Variants in HIVEP3 observed in about 807,000 individuals in gnomAD.
HIVEP3 encodes the protein transcription factor HIVEP3.
Under a neutral mutation model 152.8 loss-of-function variants are expected in HIVEP3, and 49 were observed. That is an observed-to-expected ratio of 0.32 (90% CI 0.26 to 0.41). The LOEUF (loss-of-function observed/expected upper bound fraction) is 0.41, where lower values mean the gene tolerates loss of function less well. HIVEP3 is among the 10% of genes least tolerant of loss of function. The probability of loss-of-function intolerance (pLI) is 1.00; values close to 1 mark genes in which losing one functional copy is unlikely to be tolerated. For missense variants in HIVEP3, 2,790 were observed against 3,103.3 expected (o/e 0.90, Z 2.40); for synonymous variants, 1,269 against 1,289.0 (o/e 0.98, Z 0.33).
At chr1:41,986,670 G>A (rs1214546766) in intron 1 of HIVEP3, among the ~76,000 whole-genome samples, 1 of 152,120 alleles carries the variant, frequency 6.6e-6, no homozygotes, top group Non-Finnish European at 1.5e-5. Context: ...TCGATCTCCT[G>A]ACCTCGTGAT....
chr1:41,712,979 G>T (rs1347486333), intron 1 of HIVEP3, among the ~76,000 whole-genome samples: 1 of 152,222 alleles, frequency 6.6e-6, no homozygotes, highest in Non-Finnish European at 1.5e-5. Flanking sequence ...CACCGATGTG[G>T]AAGTCTTGGT....
In HIVEP3 at chr1:41,510,707, C is replaced by T. The variant is rs756963406; in HGVS notation, c.6965G>A (p.Arg2322His). The T allele has an allele frequency of 3.0e-5, 46 of 1,527,624 alleles. No individual in the cohort carries two copies. The highest frequency in any genetic ancestry group is 1.2e-4 in the South Asian group (10 of 81,154). The allele number at this position is 1,527,624 out of a possible 1,614,324, so 94.6% of individuals were successfully genotyped here. Residue 2322 changes from arginine to histidine, a missense_variant, in exon 9 of 9, where the codon CGC (arginine) becomes CAC (histidine). Physicochemically the swap from Arg to His is conservative, Grantham distance 29. Coordinates refer to ENST00000372583, the MANE Select transcript of HIVEP3 (RefSeq NM_024503.5). ...PDTLPRPPQGRRAAQSWSPRL... is the reference protein window; with the variant it reads ...PDTLPRPPQGHRAAQSWSPRL... Reference sequence around the variant, plus strand: ...GGGGCTCCAGGACTGCGCTGCCCGGCGTCCCTGGGGCGGCCGGGGCAAGGT... The same window carrying T: ...GGGGCTCCAGGACTGCGCTGCCCGGTGTCCCTGGGGCGGCCGGGGCAAGGT...
At chr1:42,020,997 T>C (rs1306422636) in intron 1 of HIVEP3, among the ~76,000 whole-genome samples, 2 of 152,054 alleles carry the variant, frequency 1.3e-5, no homozygotes, top group African/African-American at 2.4e-5. Flanking sequence ...GCAGAGATGA[T>C]TGAGAAATCT....
chr1:41,941,407 C>A (rs1645045619), intron 1 of HIVEP3, among the ~76,000 whole-genome samples: 1 of 152,082 alleles, frequency 6.6e-6, no homozygotes, highest in Non-Finnish European at 1.5e-5. Context: ...GGTCTATGAT[C>A]TAAGGAGGGA....
intron 1 of HIVEP3, among the ~76,000 whole-genome samples, chr1:42,010,322 GT>G (rs1249910345): frequency 1.3e-5 from 2 of 152,242 alleles, no homozygotes; most frequent in African/African-American, 4.8e-5. Context: ...TGTCTCTTAT[GT>G]TGTTGATCTC....
At chr1:41,915,474 T>C (rs1644857250) in intron 1 of HIVEP3, among the ~76,000 whole-genome samples, 1 of 152,252 alleles carries the variant, frequency 6.6e-6, no homozygotes, top group Non-Finnish European at 1.5e-5. Flanking sequence ...TCCAATTTGC[T>C]AGGTGCATTT....
chr1:41,677,673 A>G (rs1645977345), intron 2 of HIVEP3, among the ~76,000 whole-genome samples: 1 of 152,244 alleles, frequency 6.6e-6, no homozygotes, highest in Admixed American at 6.5e-5. Context: ...GGAATGTGTG[A>G]CAAGCTCCCA....
intron 1 of HIVEP3, among the ~76,000 whole-genome samples, chr1:41,861,381 G>C (rs1643885993): frequency 6.6e-6 from 1 of 152,260 alleles, no homozygotes; most frequent in Non-Finnish European, 1.5e-5. Context: ...AAGGAGATGA[G>C]ATTCACAATG....
Position 41,799,838 on chromosome 1 carries a change from G to A in HIVEP3, c.-800-98843C>T, listed in dbSNP as rs1650202515. Among the ~76,000 whole-genome samples, 3 of 152,218 alleles carry A rather than the reference G, an allele frequency of 2.0e-5. No homozygotes were observed. In the South Asian group the frequency reaches 6.2e-4, roughly 32 times the overall value. On this transcript the variant is annotated intron_variant, in intron 1 of 8. Coordinates refer to ENST00000372583, the MANE Select transcript of HIVEP3 (RefSeq NM_024503.5). ...AGCATACAGGTCTCTTTTCATAGGGGGAATCATGTTCACAGGGCCCCAGGG... is the reference window on the plus strand; with the variant it reads ...AGCATACAGGTCTCTTTTCATAGGGAGAATCATGTTCACAGGGCCCCAGGG...
intron 1 of HIVEP3, among the ~76,000 whole-genome samples, chr1:41,704,555 A>G (rs1570356346): frequency 1.3e-5 from 2 of 152,164 alleles, no homozygotes; most frequent in Admixed American, 1.3e-4. Flanking sequence ...TCCCACTAAG[A>G]CCCCAAGGCT....
At chr1:41,970,576 T>C (rs1645223286) in intron 1 of HIVEP3, among the ~76,000 whole-genome samples, 1 of 152,062 alleles carries the variant, frequency 6.6e-6, no homozygotes, top group Non-Finnish European at 1.5e-5. Flanking sequence ...GGAAAAATAG[T>C]GAATGTGTGC....
At chr1:41,659,501 A>G (rs1302488088) in intron 2 of HIVEP3, among the ~76,000 whole-genome samples, 1 of 152,202 alleles carries the variant, frequency 6.6e-6, no homozygotes, top group Non-Finnish European at 1.5e-5. Context: ...CCCAGCAGGC[A>G]CTCAGCAAAC....
At chr1:41,749,404 T>TTGTGTGTGTGTG (rs3064239) in intron 1 of HIVEP3, among the ~76,000 whole-genome samples, 2,532 of 140,760 alleles carry the variant, frequency 0.018, 56 homozygotes, top group South Asian at 0.03. Context: ...TTAGAAAAAA[T>TTGTGTGTGTGTG]TGTGTGTGTG....
chr1:41,656,692 A>T (rs950142784), intron 2 of HIVEP3, among the ~76,000 whole-genome samples: 3 of 152,240 alleles, frequency 2.0e-5, no homozygotes, highest in Non-Finnish European at 4.4e-5. Context: ...TTACATGCTC[A>T]TCTCAACTAA....
chr1:41,691,861 T>C (rs1023716584), intron 2 of HIVEP3, among the ~76,000 whole-genome samples: 6 of 150,372 alleles, frequency 4.0e-5, no homozygotes, highest in African/African-American at 1.5e-4. Context: ...TCATAGTCAC[T>C]TGTGGGTGTG....
At chr1:41,854,027 T>C (rs891612347) in intron 1 of HIVEP3, among the ~76,000 whole-genome samples, 3 of 152,134 alleles carry the variant, frequency 2.0e-5, no homozygotes, top group Non-Finnish European at 2.9e-5. Flanking sequence ...GTGGAAACCA[T>C]AGAGCCTTAC....
intron 4 of HIVEP3, among the ~76,000 whole-genome samples, chr1:41,576,393 T>C (rs1644328168): frequency 6.6e-6 from 1 of 152,172 alleles, no homozygotes. Flanking sequence ...AGAGCTAGCT[T>C]AAGGGGAGAG....
intron 5 of HIVEP3, among the ~76,000 whole-genome samples, chr1:41,566,187 T>C (rs1375793095): frequency 6.6e-6 from 1 of 152,192 alleles, no homozygotes; most frequent in Non-Finnish European, 1.5e-5. Flanking sequence ...ACAGAAATTT[T>C]CCACTCTGGT....
intron 1 of HIVEP3, among the ~76,000 whole-genome samples, chr1:41,777,408 C>T (rs566168766): frequency 6.6e-6 from 1 of 152,190 alleles, no homozygotes; most frequent in Non-Finnish European, 1.5e-5. Flanking sequence ...CGGCTGTGTG[C>T]CCAGGGCTCT....
Sources: allele counts gnomAD v4.1 joint callset (sites outside exome capture counted in the v4.1 genomes callset), GRCh38; gene constraint gnomAD v4.1.1; transcripts MANE v1.5; gene names NCBI Gene and HGNC (gene_info 2026-07-23, HGNC 2026-07-21).